Variants in UBE3A observed in about 807,000 individuals in gnomAD.
UBE3A encodes the protein ubiquitin protein ligase E3A, also known as ubiquitin-protein ligase E3A.
In UBE3A, 6 loss-of-function variants were observed where a neutral mutation model predicts 83.4. The ratio of observed to expected loss-of-function variants is 0.07; its 90% CI spans 0.04 to 0.14. The LOEUF (loss-of-function observed/expected upper bound fraction) is 0.14, where lower values mean the gene tolerates loss of function less well. Ranked by LOEUF, UBE3A falls within the 10% of genes least tolerant of loss-of-function variation. UBE3A has a pLI of 1.00. For synonymous variants in UBE3A, 337 were observed against 355.4 expected (o/e 0.95, Z 0.58); for missense variants, 456 against 1,036.1 (o/e 0.44, Z 7.69).
At chr15:25,359,896 C>T (rs1035920435) in intron 7 of UBE3A, among the ~76,000 whole-genome samples, 1 of 152,132 alleles carries the variant, frequency 6.6e-6, no homozygotes, top group Non-Finnish European at 1.5e-5. Flanking sequence ...GGAAACACTA[C>T]CTATATTAAG....
intron 11 of UBE3A, among the ~76,000 whole-genome samples, chr15:25,350,403 T>C (rs1458530233): frequency 6.6e-6 from 1 of 151,874 alleles, no homozygotes; most frequent in Non-Finnish European, 1.5e-5. Context: ...AATTTTCTAC[T>C]TAATAAATAT....
At chr15:25,427,109 T>C (rs1891539062) in intron 1 of UBE3A, among the ~76,000 whole-genome samples, 2 of 152,052 alleles carry the variant, frequency 1.3e-5, no homozygotes, top group South Asian at 4.1e-4. Flanking sequence ...AAAGAACTGA[T>C]CCTTATCTGT....
chr15:25,429,684 CA>C (rs1892477467), intron 1 of UBE3A, among the ~76,000 whole-genome samples: 1 of 151,928 alleles, frequency 6.6e-6, no homozygotes, highest in Non-Finnish European at 1.5e-5. Flanking sequence ...TTCATCTCTA[CA>C]AAAACAAACA....
intron 11 of UBE3A, among the ~76,000 whole-genome samples, chr15:25,341,886 A>G (rs895116538): frequency 3.9e-5 from 6 of 151,968 alleles, no homozygotes; most frequent in Non-Finnish European, 2.9e-5. Context: ...ATATCCCAAC[A>G]TACTATTTTT....
chr15:25,351,731 T>C (rs373741708), intron 11 of UBE3A, among the ~76,000 whole-genome samples: 5 of 152,156 alleles, frequency 3.3e-5, no homozygotes, highest in Admixed American at 2.6e-4. Flanking sequence ...TCGGGCGTTT[T>C]TGCATGTATT....
intron 1 of UBE3A, chr15:25,412,992 A>G (rs2090264322): frequency 6.7e-6 from 3 of 444,902 alleles, no homozygotes; most frequent in East Asian, 7.2e-5. Context: ...ATGAATTTGC[A>G]TTTTAACATA....
chr15:25,357,860 A>G (rs1461198418), intron 7 of UBE3A, among the ~76,000 whole-genome samples: 1 of 150,992 alleles, frequency 6.6e-6, no homozygotes, highest in Non-Finnish European at 1.5e-5. Flanking sequence ...GTAGTCTTTC[A>G]ATTTCACATG....
intron 1 of UBE3A, among the ~76,000 whole-genome samples, chr15:25,417,365 C>T (rs1239165832): frequency 6.6e-6 from 1 of 151,990 alleles, no homozygotes; most frequent in Non-Finnish European, 1.5e-5. Context: ...TAAAAGAAAA[C>T]AAAATCTAGA....
In UBE3A at chr15:25,354,493, G is replaced by T. The variant is rs373454932; in HGVS notation, c.2280+35C>A. On this transcript the variant is annotated intron_variant, in intron 10 of 12. Transcript: ENST00000648336. ...ACTGTATCATTACAAACAATAAATC[G>T]ATACATGACTTTTTGCAGACACCTG... 8.1e-6 allele frequency: 13 copies of T among 1,613,668 alleles called. No individual in the cohort carries two copies. The Admixed American group carries it at 2.2e-4, about 27-fold the overall frequency.
In UBE3A at chr15:25,336,312, G is replaced by C. The variant is rs543803434; in HGVS notation, c.*2825C>G. 1 of 152,246 alleles carries C rather than the reference G, an allele frequency of 6.6e-6. No individual in the cohort carries two copies. Among genetic ancestry groups the C allele is most frequent in the South Asian group, 2.1e-4 (1 of 4,830 alleles). 9.4% of individuals were successfully genotyped at this position (152,246 alleles called of 1,614,324 possible). A position where few individuals can be genotyped will look rare whatever the true frequency, so the allele number is the denominator to read the frequency against. ...AAAAAATTACAGTAAGCAGGTAAAG[G>C]GATCAAGACTACACAGGGACTAGTC... On this transcript the variant is annotated 3_prime_UTR_variant, in exon 13 of 13. Transcript: ENST00000648336.
At chr15:25,396,868 G>C (rs564033432) in intron 4 of UBE3A, among the ~76,000 whole-genome samples, 1 of 152,042 alleles carries the variant, frequency 6.6e-6, no homozygotes, top group Admixed American at 6.5e-5. Context: ...AGTGTTAACT[G>C]TATATAAATT....
chr15:25,357,609 G>A (rs1452847004), intron 7 of UBE3A: 2 of 152,132 alleles, frequency 1.3e-5, no homozygotes, highest in Non-Finnish European at 2.9e-5. Context: ...GCCTCCCAAA[G>A]TGCTGGGATT....
chr15:25,389,888 A>AATAG (rs113811861), intron 4 of UBE3A, among the ~76,000 whole-genome samples: 6 of 151,896 alleles, frequency 4.0e-5, no homozygotes, highest in African/African-American at 1.2e-4. Flanking sequence ...GCTCTGTCTC[A>AATAG]ACAGACAGAC....
intron 11 of UBE3A, 148 bp from the exon 12 acceptor site, chr15:25,340,376 T>C: frequency 3.0e-6 from 3 of 990,802 alleles, no homozygotes; most frequent in Non-Finnish European, 4.5e-6. Context: ...ATTTAAAAAT[T>C]TCCAAGCAAA....
rs560086742 is a variant in UBE3A at position 25,354,825 on chromosome 15, C to T, written c.2125-142G>A. On this transcript the variant is annotated intron_variant, in intron 9 of 12. Transcript: ENST00000648336. Reference sequence around the variant, plus strand: ...TAAAAATTCAATTTTACACCTACTTCTTAACAATTTCACAATTCTCTGTTA... The same window carrying T: ...TAAAAATTCAATTTTACACCTACTTTTTAACAATTTCACAATTCTCTGTTA... 272 of 772,230 alleles carry T rather than the reference C, an allele frequency of 3.5e-4. No homozygotes were observed. The East Asian group carries it at 7.3e-3, about 21-fold the overall frequency. 47.8% of individuals were successfully genotyped at this position (772,230 alleles called of 1,614,324 possible).
intron 4 of UBE3A, among the ~76,000 whole-genome samples, chr15:25,384,253 A>AT (rs1370936042): frequency 6.6e-6 from 1 of 151,992 alleles, no homozygotes; most frequent in African/African-American, 2.4e-5. Flanking sequence ...AGGTCAAGAG[A>AT]TTGAGACCAT....
chr15:25,375,866 T>A, intron 4 of UBE3A, 103 bp from the exon 5 acceptor site: 1 of 1,307,862 alleles, frequency 7.6e-7, no homozygotes, highest in Non-Finnish European at 1.1e-6. Flanking sequence ...CTGAAGTGAT[T>A]AACCTGTGTA....
At chr15:25,415,754 G>A (rs1214025766) in intron 1 of UBE3A, 1 of 148,818 alleles carries the variant, frequency 6.7e-6, no homozygotes, top group African/African-American at 2.5e-5. Flanking sequence ...GCCTCTAGTT[G>A]TAAGCTGATT....
At position 25,360,305 on chromosome 15, in the gene UBE3A, A is replaced by G. The variant is rs2077858944; in HGVS notation, c.1753+78T>C. On this transcript the variant is annotated intron_variant, in intron 7 of 12. Transcript: ENST00000648336. ...CTTTTGCTGCTCTTCATAGCTGAAA[A>G]TATTTACAAAGTAAGATAAACAAAT... 6 of 1,591,022 alleles carry G rather than the reference A, an allele frequency of 3.8e-6. No homozygotes were observed. The South Asian group carries it at 5.6e-5, about 15-fold the overall frequency.
Sources: allele counts gnomAD v4.1 joint callset (sites outside exome capture counted in the v4.1 genomes callset), GRCh38; gene constraint gnomAD v4.1.1; transcripts MANE v1.5; gene names NCBI Gene and HGNC (gene_info 2026-07-23, HGNC 2026-07-21).